The following IGSF5 variants were observed in gnomAD, a reference collection of about 807,000 sequenced individuals.
IGSF5 encodes immunoglobulin superfamily 5 like.
A neutral mutation model predicts 39.4 loss-of-function variants in IGSF5; 41 were observed. The observed-to-expected ratio is 1.04, with a 90% CI of 0.81 to 1.35. IGSF5 has a LOEUF of 1.35. Ranked by LOEUF, IGSF5 falls within the 40% of genes most tolerant of loss-of-function variation. The pLI is 0.00. For missense variants in IGSF5, 487 were observed against 494.6 expected (o/e 0.98, Z 0.15); for synonymous variants, 183 against 175.3 (o/e 1.04, Z -0.34).
chr21:39,745,458 G>C lies in IGSF5; in HGVS notation c.-52G>C. On this transcript the variant is annotated 5_prime_UTR_variant, in exon 1 of 9. Transcript: ENST00000380588. ...CAGAGGAAGTAGATTCAGAGGTAAG[G>C]AGAATTTTGGGGCTATACTTTCAAG... is the stretch of plus-strand genomic sequence containing the variant. The C allele has an allele frequency of 1.4e-6, 1 of 710,868 alleles. No individual in the cohort carries two copies. Among genetic ancestry groups the C allele is most frequent in the Middle Eastern group, 2.4e-4 (1 of 4,104 alleles). 44.0% of individuals were successfully genotyped at this position (710,868 alleles called of 1,614,324 possible).
chr21:39,739,429 T>C, the IGSF5 span, among the ~76,000 whole-genome samples: 1 of 152,158 alleles, frequency 6.6e-6, no homozygotes, highest in South Asian at 2.1e-4. Context: ...GGTTATTTCT[T>C]TATCTCCGTT....
intron 3 of IGSF5, 44 bp from the exon 4 acceptor site, chr21:39,770,872 G>A (rs1339321962): frequency 2.3e-6 from 3 of 1,278,726 alleles, no homozygotes; most frequent in African/African-American, 3.1e-5. Context: ...AGAAGCGAGA[G>A]GCATGGTCAT....
upstream of IGSF5, among the ~76,000 whole-genome samples, chr21:39,741,523 G>C (rs958967003): frequency 2.0e-5 from 3 of 152,200 alleles, no homozygotes; most frequent in Non-Finnish European, 4.4e-5. Flanking sequence ...AAGAGCGCTT[G>C]GGTGGCTTGA....
intron 5 of IGSF5, among the ~76,000 whole-genome samples, chr21:39,779,740 T>A (rs139545222): frequency 2.0e-5 from 3 of 152,314 alleles, no homozygotes; most frequent in Non-Finnish European, 2.9e-5. Flanking sequence ...GAAAATCTTG[T>A]CCTTTGCTAC....
rs142376724 is a variant in IGSF5, at chr21:39,793,624, C to A, written c.1128+11C>A. The A allele has an allele frequency of 6.2e-7, 1 of 1,606,624 alleles. No individual in the cohort carries two copies. The highest frequency in any genetic ancestry group is 8.5e-7 in the Non-Finnish European group (1 of 1,175,358). On this transcript the variant is annotated intron_variant, in intron 8 of 8. Transcript: ENST00000380588. The stretch of plus-strand genomic sequence containing the variant: ...GGCCCTCCTCACCAGGTAGTTTAGA[C>A]CATTTTCCCCCTTTTTGGACTTTTT...
chr21:39,738,836 T>A, the IGSF5 span, among the ~76,000 whole-genome samples: 1 of 151,932 alleles, frequency 6.6e-6, no homozygotes, highest in Non-Finnish European at 1.5e-5. This position sits in a 1 kb window ranked among gnomAD's most constrained non-coding sequence, Gnocchi z 6.4. Context: ...TGAGGGTACA[T>A]CTTCACAAGG....
chr21:39,797,605 C>T (rs1197968103), intron 8 of IGSF5, among the ~76,000 whole-genome samples: 1 of 152,206 alleles, frequency 6.6e-6, no homozygotes, highest in East Asian at 1.9e-4. Flanking sequence ...TAACCTCGTA[C>T]TCCTGGGCTC....
upstream of IGSF5, among the ~76,000 whole-genome samples, chr21:39,740,330 A>G (rs1427906679): frequency 2.0e-5 from 3 of 152,058 alleles, no homozygotes; most frequent in Admixed American, 1.3e-4. Flanking sequence ...TAAGACTGCC[A>G]CCTCTTTAGG....
intron 5 of IGSF5, among the ~76,000 whole-genome samples, chr21:39,784,841 C>T (rs905809534): frequency 1.3e-5 from 2 of 152,186 alleles, no homozygotes; most frequent in Non-Finnish European, 2.9e-5. Flanking sequence ...TTCTGGTTCT[C>T]TGCTGCTATC....
chr21:39,770,553 G>C (rs1288628742), intron 3 of IGSF5, among the ~76,000 whole-genome samples: 6 of 152,152 alleles, frequency 3.9e-5, no homozygotes, highest in Non-Finnish European at 8.8e-5. Context: ...TCCCTCGACA[G>C]CCCAAGATAA....
At chr21:39,770,751 G>A (rs1359497252) in intron 3 of IGSF5, among the ~76,000 whole-genome samples, 165 bp from the exon 4 acceptor site, 1 of 151,532 alleles carries the variant, frequency 6.6e-6, no homozygotes, top group African/African-American at 2.4e-5. Context: ...TAAAATCTGA[G>A]TTAAGATTTC....
chr21:39,771,160 C>G lies in IGSF5; in HGVS notation c.663C>G (p.Ser221Arg). Residue 221 changes from serine to arginine, a missense_variant, in exon 4 of 9, where the codon AGC becomes AGG. Physicochemically the swap from Ser to Arg is moderately radical, Grantham distance 110 (BLOSUM62 -1). Transcript: ENST00000380588. Reference sequence around the variant, plus strand: ...TGACTTGCGTGGCTACCTGGAAGAGCCTGAAGGCCCGCAAGTCTGCAACTG... The same window carrying G: ...TGACTTGCGTGGCTACCTGGAAGAGGCTGAAGGCCCGCAAGTCTGCAACTG... ...GTLTCVATWK[S>R]LKARKSATVN... 6.2e-7 allele frequency: 1 copy of G among 1,604,074 alleles called. No individual in the cohort carries two copies. The highest frequency in any genetic ancestry group is 2.2e-5 in the East Asian group (1 of 44,582).
At chr21:39,769,398 C>T (rs930449161) in intron 3 of IGSF5, among the ~76,000 whole-genome samples, 1 of 133,350 alleles carries the variant, frequency 7.5e-6, no homozygotes, top group African/African-American at 2.8e-5. Context: ...ACTTGGGAGG[C>T]GGAGGTTGCC....
chr21:39,730,416 A>C, the IGSF5 span: 1 of 152,280 alleles, frequency 6.6e-6, no homozygotes, highest in East Asian at 1.9e-4. Context: ...CATTCTGAGG[A>C]ACTGTGGGTT....
the IGSF5 span, among the ~76,000 whole-genome samples, chr21:39,720,699 A>G: frequency 6.6e-6 from 1 of 152,220 alleles, no homozygotes; most frequent in African/African-American, 2.4e-5. Flanking sequence ...GGAAAAACTG[A>G]GCGAATAAAT....
At chr21:39,777,064 A>C (rs1569255158) in intron 4 of IGSF5, among the ~76,000 whole-genome samples, 1 of 152,206 alleles carries the variant, frequency 6.6e-6, no homozygotes, top group Non-Finnish European at 1.5e-5. Context: ...GCCAGAAGCC[A>C]AAGTTAATGC....
chr21:39,755,086 T>C (rs1174233738), intron 2 of IGSF5, among the ~76,000 whole-genome samples: 3 of 152,354 alleles, frequency 2.0e-5, no homozygotes, highest in Non-Finnish European at 4.4e-5. Context: ...CTCTACCTGC[T>C]TGTCGGGGAC....
At position 39,752,015 on chromosome 21, in the gene IGSF5, T is replaced by A. The variant is rs897990759; in HGVS notation, c.100+5717T>A. On this transcript the variant is annotated intron_variant, in intron 2 of 8. Coordinates refer to ENST00000380588, the MANE Select transcript of IGSF5 (RefSeq NM_001080444.2). ...TACAGCTATTTCTTTCTTCTTTTTT[T>A]CTTTACTTTTAAAAAATTTCAATAG... Among the ~76,000 whole-genome samples, 54 of 152,314 alleles carry A rather than the reference T, an allele frequency of 3.5e-4. 1 individual carries two copies. The highest frequency in any genetic ancestry group is 6.6e-4 in the Non-Finnish European group (45 of 68,018).
At chr21:39,738,253 C>G in the IGSF5 span, among the ~76,000 whole-genome samples, 1 of 152,096 alleles carries the variant, frequency 6.6e-6, no homozygotes, top group Admixed American at 6.5e-5. This position sits in a 1 kb window ranked among gnomAD's most constrained non-coding sequence, Gnocchi z 6.4. Flanking sequence ...ATGGCAGTAG[C>G]AAGAAAGAAT....
Sources: gnomAD v4.1 joint callset for allele counts (sites outside exome capture counted in the v4.1 genomes callset) on GRCh38, gnomAD v4.1.1 for gene constraint, Gnocchi (gnomAD v3.1) non-coding constraint, MANE v1.5 for transcripts, NCBI Gene and HGNC (gene_info 2026-07-23, HGNC 2026-07-21) for gene names.